Variants in GLIS3 observed in about 807,000 individuals in gnomAD.
GLIS3 encodes GLIS family zinc finger 3, also known as zinc finger protein GLIS3.
GLIS3 carries 53 observed loss-of-function variants against 78.6 expected under a neutral mutation model. That is an observed-to-expected ratio of 0.67 (90% CI 0.54 to 0.85). GLIS3 has a LOEUF of 0.85. GLIS3 is among the 40% of genes least tolerant of loss of function. The probability of loss-of-function intolerance (pLI) is 0.00; values close to 1 mark genes in which losing one functional copy is unlikely to be tolerated. For missense variants in GLIS3, 1,703 were observed against 1,231.1 expected, an observed-to-expected ratio of 1.38 and a Z score of -5.74; for synonymous variants, 684 against 509.9, an observed-to-expected ratio of 1.34 and a Z score of -4.60.
chr9:4,222,058 G>A (rs1449122706), intron 2 of GLIS3, among the ~76,000 whole-genome samples: 1 of 152,178 alleles, frequency 6.6e-6, no homozygotes, highest in Admixed American at 6.5e-5. Flanking sequence ...GACCTCAAGG[G>A]AGCATCCAGA....
intron 4 of GLIS3, among the ~76,000 whole-genome samples, chr9:3,995,955 G>T (rs1367960320): frequency 1.3e-5 from 2 of 151,918 alleles, no homozygotes; most frequent in East Asian, 3.8e-4. Context: ...TAGGTTTTAG[G>T]AATCTTAATA....
the GLIS3 span, among the ~76,000 whole-genome samples, chr9:4,426,169 T>G: frequency 3.3e-5 from 5 of 152,116 alleles, no homozygotes; most frequent in African/African-American, 1.2e-4. Context: ...TTTTAAAACC[T>G]CCAAAGTCAT....
chr9:3,952,407 G>A (rs1016280676), intron 4 of GLIS3, among the ~76,000 whole-genome samples: 3 of 151,974 alleles, frequency 2.0e-5, no homozygotes, highest in Non-Finnish European at 4.4e-5. Flanking sequence ...GTCTGATCCC[G>A]GCCAGGCTCA....
At chr9:4,308,160 G>A (rs1043742751) in intron 4 of GLIS3, among the ~76,000 whole-genome samples, 4 of 151,948 alleles carry the variant, frequency 2.6e-5, no homozygotes, top group Non-Finnish European at 4.4e-5. Flanking sequence ...TTGGTGTCAC[G>A]ACCTATCTGA....
At chr9:4,106,854 C>G (rs1390003200) in intron 4 of GLIS3, among the ~76,000 whole-genome samples, 1 of 152,094 alleles carries the variant, frequency 6.6e-6, no homozygotes, top group Non-Finnish European at 1.5e-5. Context: ...ATGAAGACAT[C>G]ACACACACTC....
chr9:4,482,703 C>T, the GLIS3 span, among the ~76,000 whole-genome samples: 1 of 152,152 alleles, frequency 6.6e-6, no homozygotes, highest in Non-Finnish European at 1.5e-5. Flanking sequence ...AATATATGGT[C>T]TGTTGATGTA....
At chr9:3,941,046 C>A (rs1815864499) in intron 4 of GLIS3, among the ~76,000 whole-genome samples, 1 of 152,048 alleles carries the variant, frequency 6.6e-6, no homozygotes, top group Non-Finnish European at 1.5e-5. Context: ...GGAGTGAGGC[C>A]CAGCCATCTG....
rs543406578 is a variant in GLIS3 at position 4,138,738 on chromosome 9, C to G, written c.389-12797G>C. Among the ~76,000 whole-genome samples, 18 of 152,242 alleles carry G rather than the reference C, an allele frequency of 1.2e-4. No individual in the cohort carries two copies. In the South Asian group the frequency reaches 3.5e-3, roughly 30 times the overall value. On this transcript the variant is annotated intron_variant, in intron 2 of 10. Coordinates refer to ENST00000381971, the MANE Select transcript of GLIS3 (RefSeq NM_001042413.2). ...TGGGAAATGGGGATGATAATTGTTC[C>G]CACCTTCATAAGGCTGTTTGGAGTA...
chr9:4,401,383 C>A, the GLIS3 span, among the ~76,000 whole-genome samples: 1 of 147,594 alleles, frequency 6.8e-6, no homozygotes, highest in Non-Finnish European at 1.5e-5. Context: ...CCTCAGCCTC[C>A]CGATTAGCTG....
the GLIS3 span, among the ~76,000 whole-genome samples, chr9:4,470,071 G>C: frequency 6.6e-6 from 1 of 152,162 alleles, no homozygotes; most frequent in African/African-American, 2.4e-5. Flanking sequence ...TTAAATCTCT[G>C]AATAGACCAA....
Position 3,969,443 on chromosome 9 carries a change from A to C in GLIS3, c.1711-32254T>G, listed in dbSNP as rs138338406. 3.3e-5 allele frequency among the ~76,000 whole-genome samples: 5 copies of C among 152,356 alleles called. No homozygotes were observed. In the East Asian group the frequency reaches 9.6e-4, roughly 29 times the overall value. The stretch of plus-strand genomic sequence containing the variant: ...ACTAAGGCCCAATGTTTCCACTCAA[A>C]GTAGACCTTCTTTTGGTCTTGCACA... On this transcript the variant is annotated intron_variant, in intron 4 of 10. Transcript: ENST00000381971.
chr9:4,185,771 G>A (rs879608142), intron 2 of GLIS3, among the ~76,000 whole-genome samples: 2 of 152,118 alleles, frequency 1.3e-5, no homozygotes, highest in African/African-American at 2.4e-5. Flanking sequence ...CAAAGCTATA[G>A]GAATGAATCG....
the GLIS3 span, among the ~76,000 whole-genome samples, chr9:4,365,110 C>A: frequency 6.6e-6 from 1 of 152,054 alleles, no homozygotes; most frequent in Admixed American, 6.5e-5. Context: ...TGGTGTAGGT[C>A]ATCAGATATT....
At chr9:3,939,937 G>A (rs1359492142) in intron 4 of GLIS3, among the ~76,000 whole-genome samples, 1 of 152,214 alleles carries the variant, frequency 6.6e-6, no homozygotes, top group Admixed American at 6.5e-5. Flanking sequence ...CATCACAGGA[G>A]TGTGCAGGGC....
intron 4 of GLIS3, among the ~76,000 whole-genome samples, chr9:3,945,966 C>T (rs558668129): frequency 3.6e-4 from 54 of 151,872 alleles, no homozygotes; most frequent in African/African-American, 1.3e-3. Flanking sequence ...CACCTGGGCT[C>T]CAGGCCAGCC....
chr9:4,071,350 C>CAG (rs1352176980), intron 4 of GLIS3: 1 of 152,044 alleles, frequency 6.6e-6, no homozygotes, highest in African/African-American at 2.4e-5. Flanking sequence ...TTTCAAGGTA[C>CAG]AGAGGAACAC....
chr9:3,887,855 C>A (rs78001330), intron 7 of GLIS3, among the ~76,000 whole-genome samples: 3,163 of 152,222 alleles, frequency 0.021, 130 homozygotes, highest in African/African-American at 0.073. Context: ...CATCATCTGG[C>A]AGCTCTATCA....
upstream of GLIS3, among the ~76,000 whole-genome samples, chr9:4,349,769 C>T (rs1490733719): frequency 1.3e-5 from 2 of 152,088 alleles, no homozygotes; most frequent in Non-Finnish European, 2.9e-5. Flanking sequence ...GGAAAAATAT[C>T]CGGGTACCAG....
chr9:3,872,772 A>G (rs920321126), intron 8 of GLIS3, among the ~76,000 whole-genome samples: 5 of 152,238 alleles, frequency 3.3e-5, no homozygotes, highest in Non-Finnish European at 7.3e-5. Flanking sequence ...GGAATACAGC[A>G]AAAGCAGTGC....
Sources: allele counts gnomAD v4.1 joint callset (sites outside exome capture counted in the v4.1 genomes callset), GRCh38; gene constraint gnomAD v4.1.1; transcripts MANE v1.5; gene names NCBI Gene and HGNC (gene_info 2026-07-23, HGNC 2026-07-21).